The following COL5A2 variants were observed in gnomAD, a reference collection of about 807,000 sequenced individuals.
COL5A2 encodes collagen alpha-2(V) chain.
A neutral mutation model predicts 208.2 loss-of-function variants in COL5A2; 23 were observed. The observed-to-expected ratio is 0.11, with a 90% CI of 0.08 to 0.16. COL5A2 has a LOEUF of 0.16. Ranked by LOEUF, COL5A2 falls within the 10% of genes least tolerant of loss-of-function variation. COL5A2 has a pLI of 1.00. For missense variants in COL5A2, 1,590 were observed against 1,956.4 expected, an observed-to-expected ratio of 0.81 and a Z score of 3.53; for synonymous variants, 625 against 628.5, an observed-to-expected ratio of 0.99 and a Z score of 0.08.
chr2:189,358,579 A>T, the COL5A2 span, among the ~76,000 whole-genome samples: 2 of 152,056 alleles, frequency 1.3e-5, no homozygotes, highest in African/African-American at 2.4e-5. Flanking sequence ...TTCCATATAA[A>T]TTTTAGGAAT....
chr2:189,439,782 T>C, the COL5A2 span, among the ~76,000 whole-genome samples: 22 of 152,340 alleles, frequency 1.4e-4, no homozygotes, highest in African/African-American at 5.3e-4. Context: ...TCTGATTCTT[T>C]TCTGAAAAAT....
chr2:189,076,911 T>C (rs538057592), intron 16 of COL5A2, among the ~76,000 whole-genome samples: 2 of 152,044 alleles, frequency 1.3e-5, no homozygotes, highest in African/African-American at 4.8e-5. Context: ...TGAGACCCTG[T>C]CTCTACAAAA....
At chr2:189,323,587 T>C in the COL5A2 span, among the ~76,000 whole-genome samples, 1 of 152,066 alleles carries the variant, frequency 6.6e-6, no homozygotes, top group Non-Finnish European at 1.5e-5. Flanking sequence ...TCAAAGAGAA[T>C]AAAATACCTA....
At chr2:189,440,844 C>CAGCT in the COL5A2 span, among the ~76,000 whole-genome samples, 1 of 152,126 alleles carries the variant, frequency 6.6e-6, no homozygotes, top group African/African-American at 2.4e-5. Flanking sequence ...TTAGCCCGAG[C>CAGCT]AGCTACACTG....
the COL5A2 span, among the ~76,000 whole-genome samples, chr2:189,326,096 CAA>C: frequency 2.8e-3 from 271 of 96,782 alleles, 2 homozygotes; most frequent in Middle Eastern, 9.6e-3. Context: ...GACCCTGTCT[CAA>C]AAAAAAAAAA....
chr2:189,223,454 A>C (rs1035116678), intron 1 of COL5A2, among the ~76,000 whole-genome samples: 2 of 152,176 alleles, frequency 1.3e-5, no homozygotes, highest in Non-Finnish European at 2.9e-5. Context: ...GAAATAAACC[A>C]AGAAGTCTAG....
chr2:189,179,702 C>G lies in COL5A2; in HGVS notation c.-98G>C. On this transcript the variant is annotated 5_prime_UTR_variant, in exon 1 of 54. Transcript: ENST00000374866. ...TCAGCTGTGGGCTCTTCTTTCAGCACCAGCCCCAGGGCAGCCTCTGCAAAC... is the reference window on the plus strand; with the variant it reads ...TCAGCTGTGGGCTCTTCTTTCAGCAGCAGCCCCAGGGCAGCCTCTGCAAAC... 1 of 1,542,002 alleles carries G rather than the reference C, an allele frequency of 6.5e-7. No individual in the cohort carries two copies.
chr2:189,201,315 T>G (rs1198224694), intron 1 of COL5A2, among the ~76,000 whole-genome samples: 2 of 151,878 alleles, frequency 1.3e-5, no homozygotes, highest in East Asian at 3.9e-4. Flanking sequence ...AATAAGTCCA[T>G]GAAATGATAC....
chr2:189,218,289 A>G (rs937667714), intron 1 of COL5A2, among the ~76,000 whole-genome samples: 11 of 152,358 alleles, frequency 7.2e-5, no homozygotes, highest in Middle Eastern at 3.4e-3. Flanking sequence ...TTAAGGCCAT[A>G]CTGGACTAAA....
At chr2:189,330,764 T>C in the COL5A2 span, among the ~76,000 whole-genome samples, 9 of 152,242 alleles carry the variant, frequency 5.9e-5, no homozygotes, top group African/African-American at 1.9e-4. Context: ...CACAGGCTCA[T>C]TGCAATTACA....
At chr2:189,059,561 A>G (rs1315411548) in intron 31 of COL5A2, among the ~76,000 whole-genome samples, 45 of 90,298 alleles carry the variant, frequency 5.0e-4, no homozygotes, top group Non-Finnish European at 1.0e-3. Context: ...TCCTTCCTTA[A>G]AAACCCTTCT....
At chr2:189,437,205 T>C in the COL5A2 span, among the ~76,000 whole-genome samples, 1 of 152,092 alleles carries the variant, frequency 6.6e-6, no homozygotes, top group Non-Finnish European at 1.5e-5. Context: ...TAATTAGAAA[T>C]ATATGAAGCA....
At chr2:189,433,554 C>T in the COL5A2 span, among the ~76,000 whole-genome samples, 1 of 152,206 alleles carries the variant, frequency 6.6e-6, no homozygotes, top group Non-Finnish European at 1.5e-5. Context: ...CAATAAACAA[C>T]TCTATGCAAA....
chr2:189,205,021 G>A (rs980090520), intron 1 of COL5A2, among the ~76,000 whole-genome samples: 6 of 152,128 alleles, frequency 3.9e-5, no homozygotes, highest in East Asian at 1.9e-4. Flanking sequence ...TCCTAACACC[G>A]TTATCCTAAC....
chr2:189,366,415 A>T, the COL5A2 span, among the ~76,000 whole-genome samples: 1 of 152,230 alleles, frequency 6.6e-6, no homozygotes. Context: ...GGAGAAAGGT[A>T]CCATTGACAT....
At chr2:189,389,117 A>C in the COL5A2 span, among the ~76,000 whole-genome samples, 1 of 152,186 alleles carries the variant, frequency 6.6e-6, no homozygotes, top group Non-Finnish European at 1.5e-5. Flanking sequence ...TGGAATCAAA[A>C]TTAGTAACAA....
chr2:189,121,393 C>T (rs553542106), intron 1 of COL5A2, among the ~76,000 whole-genome samples: 8 of 152,198 alleles, frequency 5.3e-5, no homozygotes, highest in Non-Finnish European at 1.0e-4. Context: ...TCCCTCTCAA[C>T]CATGACTCTG....
chr2:189,390,575 A>G, the COL5A2 span, among the ~76,000 whole-genome samples: 2 of 152,194 alleles, frequency 1.3e-5, no homozygotes, highest in South Asian at 4.1e-4. Context: ...AAATTAGGTT[A>G]TGAGATAAAG....
chr2:189,197,257 G>A lies in COL5A2; in HGVS notation c.-42+27891C>T, dbSNP rs181622463. On this transcript the variant is annotated intron_variant, in intron 1 of 10. Transcript: ENST00000649966. Reference sequence around the variant, plus strand: ...TGAGAACACATGGACACAGGGAGGGGAACAACACACACCGGGGCCAGCCAG... The same window carrying A: ...TGAGAACACATGGACACAGGGAGGGAAACAACACACACCGGGGCCAGCCAG... Among the ~76,000 whole-genome samples, 4 of 152,130 alleles carry A rather than the reference G, an allele frequency of 2.6e-5. No homozygotes were observed. In the South Asian group the frequency reaches 8.3e-4, roughly 32 times the overall value.
Sources: gnomAD v4.1 joint callset for allele counts (sites outside exome capture counted in the v4.1 genomes callset) on GRCh38, gnomAD v4.1.1 for gene constraint, MANE v1.5 for transcripts, NCBI Gene and HGNC (gene_info 2026-07-23, HGNC 2026-07-21) for gene names.